The following TMEM132D variants were observed in gnomAD, a reference collection of about 807,000 sequenced individuals.
TMEM132D encodes transmembrane protein 132D, also known as mature OL transmembrane protein.
TMEM132D carries 21 observed loss-of-function variants against 62.3 expected under a neutral mutation model. The observed-to-expected ratio is 0.34, with a 90% CI of 0.24 to 0.49. The LOEUF (loss-of-function observed/expected upper bound fraction) is 0.49. Among genes scored for constraint, TMEM132D ranks in the 20% least tolerant of loss-of-function variants. The probability of loss-of-function intolerance (pLI) is 0.99; values close to 1 mark genes in which losing one functional copy is unlikely to be tolerated. For missense variants in TMEM132D, 1,346 were observed against 1,402.8 expected, an observed-to-expected ratio of 0.96 and a Z score of 0.65; for synonymous variants, 621 against 575.6, an observed-to-expected ratio of 1.08 and a Z score of -1.13.
intron 5 of TMEM132D, among the ~76,000 whole-genome samples, chr12:129,100,540 C>T (rs1027841283): frequency 1.3e-5 from 2 of 152,208 alleles, no homozygotes; most frequent in Admixed American, 6.5e-5. Flanking sequence ...ATGTGCAGAA[C>T]TTATCTTTCT....
At chr12:129,665,412 G>C (rs978301892) in intron 2 of TMEM132D, among the ~76,000 whole-genome samples, 8 of 152,138 alleles carry the variant, frequency 5.3e-5, no homozygotes, top group African/African-American at 1.9e-4. Flanking sequence ...AAATGTGGGA[G>C]AATAGCAGGA....
At chr12:129,244,309 C>G (rs890237702) in intron 4 of TMEM132D, among the ~76,000 whole-genome samples, 1 of 149,554 alleles carries the variant, frequency 6.7e-6, no homozygotes, top group Non-Finnish European at 1.5e-5. Context: ...TGGCGTGAGC[C>G]CGGGAGGCGG....
chr12:129,254,559 T>G (rs1320644096), intron 4 of TMEM132D, among the ~76,000 whole-genome samples: 1 of 152,086 alleles, frequency 6.6e-6, no homozygotes, highest in Non-Finnish European at 1.5e-5. Flanking sequence ...AATTATAGAT[T>G]TGGGAGAGTA....
chr12:129,809,325 T>A (rs555808827), intron 1 of TMEM132D, among the ~76,000 whole-genome samples: 52 of 75,572 alleles, frequency 6.9e-4, no homozygotes, highest in African/African-American at 1.5e-3. Context: ...AAAAAAAAAA[T>A]TTTTTTTTGA....
At chr12:129,166,351 G>T (rs11060169) in intron 5 of TMEM132D, among the ~76,000 whole-genome samples, 89,981 of 146,396 alleles carry the variant, frequency 0.61, 27,688 homozygotes, top group Non-Finnish European at 0.69. Context: ...CTGTTTGACA[G>T]GCATGAATGC....
intron 4 of TMEM132D, among the ~76,000 whole-genome samples, chr12:129,245,744 G>A (rs1880084236): frequency 6.6e-6 from 1 of 152,180 alleles, no homozygotes; most frequent in Non-Finnish European, 1.5e-5. Context: ...AGACGGTAGA[G>A]AAAGAAGAAA....
chr12:129,798,898 C>T (rs1871650164), intron 1 of TMEM132D, among the ~76,000 whole-genome samples: 1 of 152,200 alleles, frequency 6.6e-6, no homozygotes, highest in African/African-American at 2.4e-5. Flanking sequence ...ACTGTTTTTG[C>T]TTGGTATGCA....
intron 3 of TMEM132D, among the ~76,000 whole-genome samples, chr12:129,413,601 C>T (rs989982118): frequency 6.6e-6 from 1 of 152,154 alleles, no homozygotes; most frequent in Non-Finnish European, 1.5e-5. Context: ...TAGATACATC[C>T]TTTTCTTTTT....
In TMEM132D at chr12:129,551,601, G is replaced by A. The variant is rs745327116; in HGVS notation, c.969-20396C>T. Among the ~76,000 whole-genome samples, 7 of 152,072 alleles carry A rather than the reference G, an allele frequency of 4.6e-5. No homozygotes were observed. The South Asian group carries it at 6.2e-4, about 14-fold the overall frequency. The stretch of plus-strand genomic sequence containing the variant: ...CTTGACCTATCTACTTTAGTATAGC[G>A]CCAATCAGTTGGGGCTGCCACCTTT... On this transcript the variant is annotated intron_variant, in intron 2 of 8. Transcript: ENST00000422113.
At chr12:129,286,938 C>T (rs1469034337) in intron 4 of TMEM132D, among the ~76,000 whole-genome samples, 2 of 151,946 alleles carry the variant, frequency 1.3e-5, no homozygotes, top group African/African-American at 4.8e-5. Context: ...ATCCCAGCTA[C>T]TTGGAAGGCT....
intron 5 of TMEM132D, among the ~76,000 whole-genome samples, chr12:129,137,436 G>A (rs1876617467): frequency 1.3e-5 from 2 of 152,294 alleles, no homozygotes; most frequent in South Asian, 4.1e-4. Context: ...GGGTCAGGGA[G>A]GCTAAGTCAC....
intron 1 of TMEM132D, among the ~76,000 whole-genome samples, chr12:129,797,564 A>G (rs547294780): frequency 1.3e-5 from 2 of 152,120 alleles, no homozygotes; most frequent in African/African-American, 2.4e-5. Flanking sequence ...GGAGGCAGGT[A>G]AGGTTCTGAA....
intron 5 of TMEM132D, among the ~76,000 whole-genome samples, chr12:129,181,849 T>G (rs886757148): frequency 6.6e-6 from 1 of 152,260 alleles, no homozygotes; most frequent in Non-Finnish European, 1.5e-5. Flanking sequence ...TTTGTCCATT[T>G]TCTTTCATCT....
chr12:129,783,998 G>T (rs1871192494), intron 1 of TMEM132D, among the ~76,000 whole-genome samples: 1 of 152,048 alleles, frequency 6.6e-6, no homozygotes, highest in Admixed American at 6.5e-5. Context: ...TTCCAGCATT[G>T]AAGCCCTTGA....
intron 5 of TMEM132D, among the ~76,000 whole-genome samples, chr12:129,166,646 G>T (rs531811027): frequency 1.3e-5 from 2 of 150,372 alleles, no homozygotes; most frequent in South Asian, 4.2e-4. Context: ...TACATAAACC[G>T]CCAGGCCATC....
At chr12:129,581,362 G>T (rs950586063) in intron 2 of TMEM132D, among the ~76,000 whole-genome samples, 1 of 152,194 alleles carries the variant, frequency 6.6e-6, no homozygotes, top group Non-Finnish European at 1.5e-5. Flanking sequence ...TATCTGGAAG[G>T]GAGTTTATTA....
intron 2 of TMEM132D, among the ~76,000 whole-genome samples, chr12:129,625,442 C>T (rs1879188061): frequency 6.6e-6 from 1 of 152,216 alleles, no homozygotes; most frequent in African/African-American, 2.4e-5. Context: ...TTGTTTTCAT[C>T]ATTTCCATAC....
intron 3 of TMEM132D, among the ~76,000 whole-genome samples, chr12:129,466,609 C>T (rs1873915906): frequency 6.6e-6 from 1 of 152,132 alleles, no homozygotes; most frequent in Admixed American, 6.5e-5. Flanking sequence ...CTCATTAGCT[C>T]ATTCACTTAA....
chr12:129,702,472 G>C (rs34474305), intron 1 of TMEM132D, among the ~76,000 whole-genome samples: 171 of 152,290 alleles, frequency 1.1e-3, no homozygotes, highest in Non-Finnish European at 2.2e-3. Context: ...ACAAAGAAGA[G>C]ACAAAGAATA....
Sources: gnomAD v4.1 joint callset for allele counts (sites outside exome capture counted in the v4.1 genomes callset) on GRCh38, gnomAD v4.1.1 for gene constraint, MANE v1.5 for transcripts, NCBI Gene and HGNC (gene_info 2026-07-23, HGNC 2026-07-21) for gene names.